The following SEL1L3 variants were observed in gnomAD, a reference collection of about 807,000 sequenced individuals.
The protein encoded by SEL1L3 is protein sel-1 homolog 3.
A neutral mutation model predicts 142.8 loss-of-function variants in SEL1L3; 76 were observed. The ratio of observed to expected loss-of-function variants is 0.53; its 90% confidence interval spans 0.44 to 0.64. The LOEUF (loss-of-function observed/expected upper bound fraction) is 0.64. Ranked by LOEUF, SEL1L3 falls within the 30% of genes least tolerant of loss-of-function variation. The pLI, the probability that SEL1L3 is intolerant of heterozygous loss-of-function variation, is 0.00. For synonymous variants in SEL1L3, 504 were observed against 519.6 expected, an observed-to-expected ratio of 0.97 and a Z score of 0.41; for missense variants, 1,262 against 1,381.7, an observed-to-expected ratio of 0.91 and a Z score of 1.37.
intron 1 of SEL1L3, among the ~76,000 whole-genome samples, chr4:25,853,380 G>C (rs183909971): frequency 1.1e-4 from 17 of 152,262 alleles, no homozygotes; most frequent in African/African-American, 4.1e-4. Context: ...CTGTTTCAAA[G>C]TCTCAGGTGC....
intron 9 of SEL1L3, among the ~76,000 whole-genome samples, chr4:25,806,045 T>G (rs28538571): frequency 0.01 from 1,519 of 147,832 alleles, 6 homozygotes; most frequent in African/African-American, 0.018. Context: ...TTGTTTGTTT[T>G]TTTTTTTTTT....
At chr4:25,750,362 C>T (rs2109108123) in intron 23 of SEL1L3, among the ~76,000 whole-genome samples, 1 of 152,090 alleles carries the variant, frequency 6.6e-6, no homozygotes, top group South Asian at 2.1e-4. Context: ...ATTATCTGGT[C>T]CTTTACAGAA....
downstream of SEL1L3, among the ~76,000 whole-genome samples, chr4:25,746,515 T>TATATATATATATTTAA (rs1553861769): frequency 0.043 from 3,010 of 69,788 alleles, 269 homozygotes; most frequent in African/African-American, 0.13. Flanking sequence ...TAAATATATA[T>TATATATATATATTTAA]ATATATATAT....
intron 23 of SEL1L3, among the ~76,000 whole-genome samples, chr4:25,750,188 T>A (rs1306786964): frequency 7.1e-6 from 1 of 139,902 alleles, no homozygotes; most frequent in Non-Finnish European, 1.5e-5. Context: ...TGAGCTGAGA[T>A]CTTGTCACTG....
At chr4:25,856,017 G>A (rs367591189) in intron 1 of SEL1L3, among the ~76,000 whole-genome samples, 64 of 152,284 alleles carry the variant, frequency 4.2e-4, no homozygotes, top group African/African-American at 1.5e-3. Flanking sequence ...GGAACTGTGA[G>A]GTCAGAGAAG....
At chr4:25,855,539 T>C (rs1384477048) in intron 1 of SEL1L3, among the ~76,000 whole-genome samples, 1 of 152,124 alleles carries the variant, frequency 6.6e-6, no homozygotes, top group Non-Finnish European at 1.5e-5. Context: ...GTGGATCACC[T>C]GAGGTCAGGA....
intron 5 of SEL1L3, among the ~76,000 whole-genome samples, chr4:25,831,920 G>A (rs1715473804): frequency 6.6e-6 from 1 of 152,178 alleles, no homozygotes; most frequent in Non-Finnish European, 1.5e-5. Flanking sequence ...CTTGCATACA[G>A]TAGGTGCAAA....
chr4:25,755,251 T>TTTTTA (rs57302921), intron 23 of SEL1L3, among the ~76,000 whole-genome samples: 7,724 of 148,926 alleles, frequency 0.052, 215 homozygotes, highest in East Asian at 0.1. Context: ...ACCTGGCTAA[T>TTTTTA]TTTTATTTTA....
chr4:25,750,190 TTGTCAC>T (rs2109107647), intron 23 of SEL1L3, among the ~76,000 whole-genome samples: 1 of 146,256 alleles, frequency 6.8e-6, no homozygotes, highest in Non-Finnish European at 1.5e-5. Flanking sequence ...AGCTGAGATC[TTGTCAC>T]TGCACACCAG....
Position 25,758,958 on chromosome 4 carries a change from G to A in SEL1L3, c.3066C>T (p.Leu1022=), listed in dbSNP as rs1264578987. The A allele has an allele frequency of 2.5e-6, 4 of 1,613,652 alleles. No homozygotes were observed. In the East Asian group the frequency reaches 6.7e-5, roughly 27 times the overall value. The change falls in exon 21 of 24, where the codon CTC becomes CTT. Residue 1022 remains leucine, a synonymous_variant. Coordinates refer to ENST00000399878, the MANE Select transcript of SEL1L3 (RefSeq NM_015187.5). ...STLHSNNISI[L]QELYERCWSH... ...GAGCTCACCTTTCGTACAGTTCCTG[G>A]AGAATGGAGATGTTATTAGAATGGA...
chr4:25,785,991 T>A (rs1165876913), intron 13 of SEL1L3, among the ~76,000 whole-genome samples: 1 of 152,138 alleles, frequency 6.6e-6, no homozygotes, highest in African/African-American at 2.4e-5. Flanking sequence ...ACAAAGACGA[T>A]GTACTCTACA....
chr4:25,737,632 T>C, the SEL1L3 span, among the ~76,000 whole-genome samples: 2 of 152,166 alleles, frequency 1.3e-5, no homozygotes, highest in Non-Finnish European at 2.9e-5. Flanking sequence ...ATTCAGTCCA[T>C]AACAAAAATA....
At chr4:25,814,305 AG>A in intron 9 of SEL1L3, among the ~76,000 whole-genome samples, 1 of 152,322 alleles carries the variant, frequency 6.6e-6, no homozygotes, top group African/African-American at 2.4e-5. Context: ...CCTGGCTCGT[AG>A]GGGGCACTCA....
chr4:25,863,515 C>T (rs897362680), upstream of SEL1L3: 2 of 702,754 alleles, frequency 2.8e-6, no homozygotes, highest in Admixed American at 4.0e-5. Flanking sequence ...GGCGCCATTC[C>T]CGCAGGGCGC....
In SEL1L3 at chr4:25,751,848, C is replaced by T. The variant is rs530751816; in HGVS notation, c.3260-3284G>A. ...TGAATGGGCTGGGCACGGTGGCTCACGCCTGTAATCCCAGCACTTTGGGAG... is the reference window on the plus strand; with the variant it reads ...TGAATGGGCTGGGCACGGTGGCTCATGCCTGTAATCCCAGCACTTTGGGAG... On this transcript the variant is annotated intron_variant, in intron 23 of 23. Coordinates refer to ENST00000399878, the MANE Select transcript of SEL1L3 (RefSeq NM_015187.5). Among the ~76,000 whole-genome samples, 7 of 152,010 alleles carry T rather than the reference C, an allele frequency of 4.6e-5. No homozygotes were observed. The South Asian group carries it at 8.3e-4, about 18-fold the overall frequency.
chr4:25,854,971 G>T (rs577593071), intron 1 of SEL1L3, among the ~76,000 whole-genome samples: 2 of 152,304 alleles, frequency 1.3e-5, no homozygotes, highest in East Asian at 3.9e-4. Context: ...CCCAAAGAGG[G>T]CCTCAAAATC....
At chr4:25,812,467 C>G (rs756915354) in intron 9 of SEL1L3, among the ~76,000 whole-genome samples, 1 of 152,190 alleles carries the variant, frequency 6.6e-6, no homozygotes, top group Non-Finnish European at 1.5e-5. Context: ...CACCTGAAAT[C>G]CTAGCACTTT....
intron 1 of SEL1L3, among the ~76,000 whole-genome samples, chr4:25,852,729 T>C (rs1355495903): frequency 6.6e-6 from 1 of 152,220 alleles, no homozygotes; most frequent in Non-Finnish European, 1.5e-5. Flanking sequence ...TATCACACTT[T>C]GTTCTTTCCC....
intron 8 of SEL1L3, 56 bp downstream of exon 8, chr4:25,819,750 CAT>C (rs1233171502): frequency 1.4e-5 from 21 of 1,529,706 alleles, no homozygotes; most frequent in South Asian, 8.7e-5. Flanking sequence ...AGAAGCCAAA[CAT>C]GTGTTTATGT....
Sources: allele counts gnomAD v4.1 joint callset (sites outside exome capture counted in the v4.1 genomes callset), GRCh38; gene constraint gnomAD v4.1.1; transcripts MANE v1.5; gene names NCBI Gene and HGNC (gene_info 2026-07-23, HGNC 2026-07-21).